Variants in SPTB observed in about 807,000 individuals in gnomAD.
The protein encoded by SPTB is spectrin beta chain, erythrocytic.
SPTB carries 45 observed loss-of-function variants against 256.2 expected under a neutral mutation model. The observed-to-expected ratio is 0.18, with a 90% confidence interval of 0.14 to 0.23. The LOEUF (loss-of-function observed/expected upper bound fraction) is 0.23. Ranked by LOEUF, SPTB falls within the 10% of genes least tolerant of loss-of-function variation. The pLI is 1.00. For synonymous variants in SPTB, 1,231 were observed against 1,243.1 expected (o/e 0.99, Z 0.21); for missense variants, 2,715 against 3,040.4 (o/e 0.89, Z 2.52).
chr14:64,798,365 G>T lies in SPTB; in HGVS notation c.1065-519C>A, dbSNP rs1011168878. Among the ~76,000 whole-genome samples, 3 of 152,208 alleles carry T rather than the reference G, an allele frequency of 2.0e-5. No individual in the cohort carries two copies. The South Asian group carries it at 6.2e-4, about 31-fold the overall frequency. On this transcript the variant is annotated intron_variant, in intron 9 of 35. Transcript: ENST00000644917. ...GCCAGATCTCCTGACAAGTCCTACA[G>T]GCCAGATGCTTCCCAGAAGGCAGGA...
At chr14:64,754,063 A>G (rs1163774550) in intron 32 of SPTB, 6 of 567,960 alleles carry the variant, frequency 1.1e-5, no homozygotes, top group Admixed American at 3.0e-5. Context: ...AATGTAACAT[A>G]GCAACGGAAG....
intron 1 of SPTB, among the ~76,000 whole-genome samples, chr14:64,838,838 A>T (rs1330654449): frequency 6.6e-6 from 1 of 152,228 alleles, no homozygotes; most frequent in Non-Finnish European, 1.5e-5. Flanking sequence ...AAAAGCCTCT[A>T]TGCAAACATT....
intron 32 of SPTB, among the ~76,000 whole-genome samples, chr14:64,761,681 A>G (rs1271711449): frequency 6.6e-6 from 1 of 152,192 alleles, no homozygotes; most frequent in Admixed American, 6.5e-5. Flanking sequence ...GGGCGTGAGA[A>G]GAGAATGAGG....
intron 2 of SPTB, among the ~76,000 whole-genome samples, chr14:64,822,370 T>TCACACACACACACACA (rs2083305230): frequency 6.1e-3 from 9 of 1,470 alleles, no homozygotes; most frequent in East Asian, 0.024. Context: ...TCTCTCTCTC[T>TCACACACACACACACA]CTCTCACACA....
chr14:64,802,340 G>A lies in SPTB; in HGVS notation c.475-23C>T, dbSNP rs371209449. 6.2e-7 allele frequency: 1 copy of A among 1,610,892 alleles called. No homozygotes were observed. The highest frequency in any genetic ancestry group is 1.3e-5 in the African/African-American group (1 of 74,878). ...AATCTGAGGGTAGCAGAACAAGAGA[G>A]ATTTGAAGAGGATGTGCATCTGGAT... is the stretch of plus-strand genomic sequence containing the variant. On this transcript the variant is annotated intron_variant, in intron 4 of 35. Transcript: ENST00000644917. This position sits in a 1 kb window ranked among gnomAD's most constrained non-coding sequence, Gnocchi z 5.1.
chr14:64,773,827 A>G (rs938110135), intron 24 of SPTB, among the ~76,000 whole-genome samples: 12 of 152,122 alleles, frequency 7.9e-5, no homozygotes, highest in African/African-American at 2.4e-4. Context: ...GGCCCAGACA[A>G]TGTGGCTCCC....
chr14:64,857,452 T>C (rs1298595311), intron 1 of SPTB, among the ~76,000 whole-genome samples: 1 of 151,794 alleles, frequency 6.6e-6, no homozygotes, highest in East Asian at 1.9e-4. Flanking sequence ...CATGGTGGTA[T>C]GCATGTATAG....
At position 64,852,871 on chromosome 14, in the gene SPTB, GTAC is replaced by G. The variant is rs766278838; in HGVS notation, c.-52+26918_-52+26920del. 1.1e-4 allele frequency among the ~76,000 whole-genome samples: 16 copies of G among 152,226 alleles called. No individual in the cohort carries two copies. The East Asian group carries it at 1.5e-3, about 15-fold the overall frequency. Reference sequence around the variant, plus strand: ...AATAGACAGGCTTTCTGCTCTCGTGGTACTTTCAGTCCAGCAAGGAAGACAAAT... The same window carrying G: ...AATAGACAGGCTTTCTGCTCTCGTGGTTTCAGTCCAGCAAGGAAGACAAAT... On this transcript the variant is annotated intron_variant, in intron 1 of 35. Coordinates refer to ENST00000644917, the MANE Select transcript of SPTB (RefSeq NM_001355436.2). The surrounding 1 kb of genome is among the most constrained non-coding windows in gnomAD (Gnocchi z 4.2).
In SPTB at chr14:64,792,896, A is replaced by C; in HGVS notation, c.2666+101T>G. 1 of 1,551,186 alleles carries C rather than the reference A, an allele frequency of 6.4e-7. No homozygotes were observed. The highest frequency in any genetic ancestry group is 8.8e-7 in the Non-Finnish European group (1 of 1,132,636). ...AACAAAGGACATCCCAGGGCCTCTC[A>C]AAGAGACCTTTGCTGATCCAGAGAC... On this transcript the variant is annotated intron_variant, in intron 14 of 35. Coordinates refer to ENST00000644917, the MANE Select transcript of SPTB (RefSeq NM_001355436.2). This position sits in a 1 kb window ranked among gnomAD's most constrained non-coding sequence, Gnocchi z 4.2.
In SPTB at chr14:64,746,506, ATCC is replaced by A. The variant is rs1400158930; in HGVS notation, c.*2797_*2799del. ...CAAGCCATGTGGTCCCGCTGGCTTC[ATCC>A]TCCTCTGGATTCCTGCCCCCCTCCC... On this transcript the variant is annotated 3_prime_UTR_variant, in exon 36 of 36. Coordinates refer to ENST00000644917, the MANE Select transcript of SPTB (RefSeq NM_001355436.2). The surrounding 1 kb of genome is among the most constrained non-coding windows in gnomAD (Gnocchi z 4.9). 6.6e-6 allele frequency: 1 copy of A among 152,626 alleles called. No individual in the cohort carries two copies. The highest frequency in any genetic ancestry group is 2.4e-5 in the African/African-American group (1 of 41,434). 9.5% of individuals were successfully genotyped at this position (152,626 alleles called of 1,614,324 possible).
chr14:64,839,350 A>G (rs959054796), intron 1 of SPTB, among the ~76,000 whole-genome samples: 1 of 152,192 alleles, frequency 6.6e-6, no homozygotes, highest in Admixed American at 6.5e-5. Context: ...GTCTGATTAA[A>G]TGCATACGCT....
chr14:64,870,921 T>A (rs1882491855), intron 1 of SPTB, among the ~76,000 whole-genome samples: 1 of 152,130 alleles, frequency 6.6e-6, no homozygotes, highest in Non-Finnish European at 1.5e-5. Flanking sequence ...AATGGAGAGT[T>A]AGTGTTTAGT....
intron 2 of SPTB, among the ~76,000 whole-genome samples, chr14:64,820,328 T>C (rs1235454257): frequency 6.6e-6 from 1 of 152,206 alleles, no homozygotes; most frequent in African/African-American, 2.4e-5. Flanking sequence ...CCTTTCTCCA[T>C]TCTGCCTACC....
At chr14:64,797,484 AAAAAAAAAAAAAAAAAAAG>A (rs1296438590) in intron 10 of SPTB, among the ~76,000 whole-genome samples, 133 of 145,436 alleles carry the variant, frequency 9.1e-4, no homozygotes, top group African/African-American at 3.0e-3. Context: ...AAAAAAAAAA[AAAAAAAAAAAAAAAAAAAG>A]GACTCAGGGA....
At chr14:64,765,031 T>TGTGTGTGTGC in intron 32 of SPTB, among the ~76,000 whole-genome samples, 1 of 118,046 alleles carries the variant, frequency 8.5e-6, no homozygotes, top group Admixed American at 9.8e-5. Flanking sequence ...TGTGCGTGTG[T>TGTGTGTGTGC]GTGTGTGTGT....
In SPTB at chr14:64,749,916, C is replaced by G. The variant is rs2081917978; in HGVS notation, c.6776+65G>C. The G allele has an allele frequency of 6.2e-7, 1 of 1,606,008 alleles. No individual in the cohort carries two copies. The highest frequency in any genetic ancestry group is 8.5e-7 in the Non-Finnish European group (1 of 1,172,992). ...GGCACTGGTCCCCTACAGAGGGCCT[C>G]TGCCCTGCCACTAATGCCAAATCAA... On this transcript the variant is annotated intron_variant, in intron 34 of 35. Transcript: ENST00000644917. This position sits in a 1 kb window ranked among gnomAD's most constrained non-coding sequence, Gnocchi z 4.7.
intron 32 of SPTB, chr14:64,754,384 C>T (rs1042891333): frequency 2.3e-5 from 4 of 172,320 alleles, no homozygotes; most frequent in African/African-American, 9.5e-5. Context: ...GCAGGTCTAA[C>T]AGGTCCTTTC....
At chr14:64,768,916 C>T in intron 29 of SPTB, 118 bp downstream of exon 29, 1 of 864,186 alleles carries the variant, frequency 1.2e-6, no homozygotes, top group Non-Finnish European at 1.9e-6. Context: ...AAGAGCAGTG[C>T]TGTGGGGGGC....
chr14:64,873,525 C>T lies in SPTB; in HGVS notation c.-52+6267G>A. ...GAACCCTTCATTTATCTATGGCATG[C>T]TACTGAGAATCCATTAATTCATGCT... is the stretch of plus-strand genomic sequence containing the variant. On this transcript the variant is annotated intron_variant, in intron 1 of 35. Transcript: ENST00000644917. This position sits in a 1 kb window ranked among gnomAD's most constrained non-coding sequence, Gnocchi z 4.3. Among the ~76,000 whole-genome samples the T allele has an allele frequency of 6.6e-6, 1 of 152,182 alleles. No homozygotes were observed. The highest frequency in any genetic ancestry group is 1.5e-5 in the Non-Finnish European group (1 of 68,044).
Sources: allele counts gnomAD v4.1 joint callset (sites outside exome capture counted in the v4.1 genomes callset), GRCh38; gene constraint gnomAD v4.1.1; non-coding constraint Gnocchi (gnomAD v3.1); transcripts MANE v1.5; gene names NCBI Gene and HGNC (gene_info 2026-07-23, HGNC 2026-07-21).